Variants in GUCY2F observed in about 807,000 individuals in gnomAD.
GUCY2F encodes retinal guanylyl cyclase 2.
A neutral mutation model predicts 73.1 loss-of-function variants in GUCY2F; 61 were observed. The ratio of observed to expected loss-of-function variants is 0.83; its 90% CI spans 0.68 to 1.03. The LOEUF (loss-of-function observed/expected upper bound fraction) is 1.03, where lower values mean the gene tolerates loss of function less well. GUCY2F is among the 50% of genes least tolerant of loss of function. The probability of loss-of-function intolerance (pLI) is 0.00; values close to 1 mark genes in which losing one functional copy is unlikely to be tolerated. For missense variants in GUCY2F, 912 were observed against 854.3 expected, an observed-to-expected ratio of 1.07 and a Z score of -0.84; for synonymous variants, 331 against 307.8, an observed-to-expected ratio of 1.08 and a Z score of -0.79.
At chrX:109,390,636 G>C (rs1174970805) in intron 14 of GUCY2F, among the ~76,000 whole-genome samples, 3 of 112,792 alleles carry the variant, frequency 2.7e-5, no homozygotes, top group Non-Finnish European at 5.6e-5. Context: ...GAATCAGCTG[G>C]ATTGATTAAA....
intron 2 of GUCY2F, among the ~76,000 whole-genome samples, chrX:109,474,617 C>T (rs1014835816): frequency 5.4e-5 from 6 of 111,843 alleles, no homozygotes; most frequent in Non-Finnish European, 9.4e-5. Flanking sequence ...TTTTAATATG[C>T]TTTCATTCAT....
chrX:109,374,862 C>T (rs1001390612), intron 19 of GUCY2F, among the ~76,000 whole-genome samples: 7 of 112,257 alleles, frequency 6.2e-5, no homozygotes, highest in Admixed American at 5.7e-4. Flanking sequence ...ATGTTTACGA[C>T]TAGTTCAGAG....
rs1930168575 is a variant in GUCY2F, at chrX:109,375,947, G to A, written c.3279C>T (p.Ala1093=). ...GCCTTTCTGCTTTTCTTCTTTGGAA[G>A]GCTGCAATCTCCACTGGTTGCAGGC... is the stretch of plus-strand genomic sequence containing the variant. The part of the protein sequence containing the change: ...GHGLQPVEIA[A]FQRRKAERQL... The change falls in exon 19 of 20, where the codon GCC becomes GCT. Residue 1093 remains alanine (A), a synonymous_variant. Transcript: ENST00000218006. The A allele has an allele frequency of 2.5e-6, 3 of 1,210,230 alleles. No homozygotes were observed. In the East Asian group the frequency reaches 8.9e-5, roughly 36 times the overall value.
At chrX:109,446,241 T>C (rs58153928) in intron 6 of GUCY2F, among the ~76,000 whole-genome samples, 6,418 of 111,633 alleles carry the variant, frequency 0.057, 430 homozygotes, top group African/African-American at 0.19. Context: ...ATCAAGCTAC[T>C]GATGACTTTC....
At chrX:109,474,981 C>T in intron 2 of GUCY2F, among the ~76,000 whole-genome samples, 1 of 112,229 alleles carries the variant, frequency 8.9e-6, no homozygotes, top group East Asian at 2.8e-4. Flanking sequence ...CACTAGCATT[C>T]ACAGGCATAT....
In GUCY2F at chrX:109,475,356, T is replaced by G. The variant is rs1174747404; in HGVS notation, c.581A>C (p.Asp194Ala). ...QWAHAGVISSDEDIWVHTANR... is the reference protein window; with the variant it reads ...QWAHAGVISSAEDIWVHTANR... Reference sequence around the variant, plus strand: ...GGCTGTATGCACCCAAATGTCTTCATCTGAGGAAATGACTCCAGCATGAGC... The same window carrying G: ...GGCTGTATGCACCCAAATGTCTTCAGCTGAGGAAATGACTCCAGCATGAGC... The change falls in exon 2 of 20, where the codon GAT becomes GCT. Residue 194 changes from aspartate to alanine, a missense_variant. Asp to Ala is a moderately radical substitution (Grantham distance 126). Coordinates refer to ENST00000218006, the MANE Select transcript of GUCY2F (RefSeq NM_001522.3). 8.3e-7 allele frequency: 1 copy of G among 1,211,265 alleles called. No individual in the cohort carries two copies. The highest frequency in any genetic ancestry group is 1.8e-5 in the South Asian group (1 of 56,951).
rs891820859 is a variant in GUCY2F, at chrX:109,409,242, C to A, written c.1792-74G>T. The stretch of plus-strand genomic sequence containing the variant: ...GGGGACCACAGTTGAGGGCACATAA[C>A]CTTCTCTTGACCCTTCTTATGATTG... On this transcript the variant is annotated intron_variant, in intron 8 of 19. Transcript: ENST00000218006. 7.3e-5 allele frequency: 39 copies of A among 534,990 alleles called. 1 individual carries two copies. The highest frequency in any genetic ancestry group is 6.7e-4 in the East Asian group (20 of 29,843). 44.1% of individuals were successfully genotyped at this position (534,990 alleles called of 1,213,427 possible).
chrX:109,409,685 T>C (rs994730568), intron 8 of GUCY2F, among the ~76,000 whole-genome samples: 1 of 111,141 alleles, frequency 9.0e-6, no homozygotes, highest in African/African-American at 3.3e-5. Context: ...TGGGGGCAGG[T>C]CTTTCCCATG....
intron 3 of GUCY2F, among the ~76,000 whole-genome samples, chrX:109,461,590 T>C (rs1415459937): frequency 8.9e-6 from 1 of 111,846 alleles, no homozygotes; most frequent in East Asian, 2.8e-4. Context: ...CTAAGGTCTA[T>C]AAGGGTGGCA....
intron 3 of GUCY2F, among the ~76,000 whole-genome samples, chrX:109,455,604 C>T (rs889639951): frequency 9.0e-6 from 1 of 111,402 alleles, no homozygotes; most frequent in African/African-American, 3.3e-5. Flanking sequence ...CAAAATTTAG[C>T]TTGTAGACAT....
At chrX:109,424,213 A>G (rs1305036966) in intron 8 of GUCY2F, among the ~76,000 whole-genome samples, 2 of 112,332 alleles carry the variant, frequency 1.8e-5, no homozygotes, top group East Asian at 5.5e-4. Context: ...ATAGTCCAGT[A>G]TCTATTAAAG....
intron 3 of GUCY2F, among the ~76,000 whole-genome samples, chrX:109,459,089 C>A (rs920992017): frequency 9.0e-6 from 1 of 111,181 alleles, no homozygotes; most frequent in African/African-American, 3.3e-5. Context: ...ATAATGAAAT[C>A]AAGATTTTTT....
At chrX:109,415,473 G>C (rs1310350542) in intron 8 of GUCY2F, among the ~76,000 whole-genome samples, 1 of 112,268 alleles carries the variant, frequency 8.9e-6, no homozygotes, top group Non-Finnish European at 1.9e-5. Context: ...AGAAGACAAA[G>C]TCTCACTGAA....
At chrX:109,444,296 C>G (rs1931946178) in intron 6 of GUCY2F, among the ~76,000 whole-genome samples, 1 of 112,147 alleles carries the variant, frequency 8.9e-6, no homozygotes, top group Admixed American at 9.5e-5. Flanking sequence ...ATTAATTTGA[C>G]TCCAACTGCT....
Position 109,409,060 on chromosome X carries a change from T to G in GUCY2F, c.1900A>C (p.Ile634Leu). ...EFCSRGSLED[I>L]LTNQDVKLDW... Reference sequence around the variant, plus strand: ...AGTTTCACATCTTGATTTGTCAGTATGTCTTCTAGGCTCCCTCGGGAACAG... The same window carrying G: ...AGTTTCACATCTTGATTTGTCAGTAGGTCTTCTAGGCTCCCTCGGGAACAG... The change falls in exon 9 of 20, where the codon ATA (isoleucine) becomes CTA (leucine). Residue 634 changes from isoleucine to leucine, a missense_variant. By Grantham distance (5) the Ile-to-Leu change is conservative. Transcript: ENST00000218006. 9.0e-7 allele frequency: 1 copy of G among 1,110,318 alleles called. No individual in the cohort carries two copies. Among genetic ancestry groups the G allele is most frequent in the Non-Finnish European group, 1.2e-6 (1 of 802,869 alleles). The allele number at this position is 1,110,318 out of a possible 1,213,427, so 91.5% of individuals were successfully genotyped here. A position where few individuals can be genotyped will look rare whatever the true frequency, so the allele number is the denominator to read the frequency against.
chrX:109,433,465 C>T (rs1931661421), intron 7 of GUCY2F, among the ~76,000 whole-genome samples: 1 of 112,068 alleles, frequency 8.9e-6, no homozygotes, highest in Non-Finnish European at 1.9e-5. Flanking sequence ...TTGCTCTTTC[C>T]TCTCGTTAGG....
At chrX:109,386,116 T>G (rs1930431446) in intron 15 of GUCY2F, among the ~76,000 whole-genome samples, 2 of 111,704 alleles carry the variant, frequency 1.8e-5, no homozygotes, top group South Asian at 7.5e-4. Flanking sequence ...GCTCTGTTTT[T>G]ACGGCTAGGC....
chrX:109,385,684 A>G (rs1350679933), intron 15 of GUCY2F, among the ~76,000 whole-genome samples: 1 of 112,174 alleles, frequency 8.9e-6, no homozygotes, highest in Non-Finnish European at 1.9e-5. Context: ...TCATGGGTTT[A>G]TCTGGTTCCC....
chrX:109,380,178 T>A (rs946506599), intron 17 of GUCY2F, among the ~76,000 whole-genome samples: 20 of 112,172 alleles, frequency 1.8e-4, no homozygotes, highest in Non-Finnish European at 3.2e-4. Context: ...TTTCTAGCCA[T>A]CAACTTTGAA....
Sources: gnomAD v4.1 joint callset for allele counts (sites outside exome capture counted in the v4.1 genomes callset) on GRCh38, gnomAD v4.1.1 for gene constraint, MANE v1.5 for transcripts, NCBI Gene and HGNC (gene_info 2026-07-23, HGNC 2026-07-21) for gene names.